The following DNAH14 variants were observed in gnomAD, a reference collection of about 807,000 sequenced individuals.
The protein encoded by DNAH14 is axonemal beta dynein heavy chain 14.
DNAH14 carries 478 observed loss-of-function variants against 520.9 expected under a neutral mutation model. The observed-to-expected ratio is 0.92, with a 90% CI of 0.85 to 0.99. The LOEUF (loss-of-function observed/expected upper bound fraction) is 0.99. Among genes scored for constraint, DNAH14 ranks in the 50% least tolerant of loss-of-function variants. The probability of loss-of-function intolerance (pLI) is 0.00; values close to 1 mark genes in which losing one functional copy is unlikely to be tolerated. For synonymous variants in DNAH14, 1,581 were observed against 1,757.2 expected (o/e 0.90, Z 2.51); for missense variants, 4,831 against 5,234.5 (o/e 0.92, Z 2.38).
chr1:225,080,557 C>T lies in DNAH14; in HGVS notation c.2945C>T (p.Thr982Ile). Residue 982 changes from threonine to isoleucine, a missense_variant, in exon 19 of 86, where the codon ACA becomes ATA. By Grantham distance (89) the Thr-to-Ile change is moderately conservative (BLOSUM62 -1). Coordinates refer to ENST00000682510, the MANE Select transcript of DNAH14 (RefSeq NM_001367479.1). ...HMHSVNVEEI[T>I]QIVLSEISDI... ...CATTCTGTTAATGTGGAAGAAATTA[C>T]ACAGATTGTGCTTTCAGAGATCTCT... 1 of 1,551,870 alleles carries T rather than the reference C, an allele frequency of 6.4e-7. No homozygotes were observed. Among genetic ancestry groups the T allele is most frequent in the African/African-American group, 1.4e-5 (1 of 73,142 alleles).
chr1:225,202,166 T>A (rs10915798), intron 38 of DNAH14, among the ~76,000 whole-genome samples: 1 of 151,970 alleles, frequency 6.6e-6, no homozygotes, highest in African/African-American at 2.4e-5. Context: ...GTGAGCCACC[T>A]CACCTGGCCC....
intron 73 of DNAH14, among the ~76,000 whole-genome samples, chr1:225,356,995 T>C (rs2095436486): frequency 6.6e-6 from 1 of 152,150 alleles, no homozygotes; most frequent in South Asian, 2.1e-4. Context: ...AAGTTAGTTA[T>C]TTAAAACTGA....
chr1:225,198,313 G>A (rs1040797934), intron 38 of DNAH14, among the ~76,000 whole-genome samples: 1 of 151,768 alleles, frequency 6.6e-6, no homozygotes, highest in African/African-American at 2.4e-5. Flanking sequence ...TGCATTCTGG[G>A]TTCACACCAT....
intron 36 of DNAH14, among the ~76,000 whole-genome samples, chr1:225,175,075 G>T (rs2149256064): frequency 6.6e-6 from 1 of 152,202 alleles, no homozygotes; most frequent in Non-Finnish European, 1.5e-5. Context: ...AATTCAGTTT[G>T]CTAGTATTAC....
intron 15 of DNAH14, among the ~76,000 whole-genome samples, chr1:225,046,665 T>C (rs1296931663): frequency 6.6e-6 from 1 of 152,226 alleles, no homozygotes; most frequent in African/African-American, 2.4e-5. Context: ...CTGTAACTTA[T>C]GTACCAGTAT....
At chr1:225,297,378 C>T (rs142919433) in intron 55 of DNAH14, among the ~76,000 whole-genome samples, 1,821 of 152,032 alleles carry the variant, frequency 0.012, 132 homozygotes, top group Admixed American at 0.11. Flanking sequence ...TGTATGATTG[C>T]AACCTGTTAC....
chr1:225,243,693 A>G (rs1296325950), intron 43 of DNAH14, among the ~76,000 whole-genome samples: 1 of 152,168 alleles, frequency 6.6e-6, no homozygotes, highest in Non-Finnish European at 1.5e-5. Flanking sequence ...GTTATTTACA[A>G]AGAGGAGCTG....
At chr1:225,128,189 A>G (rs1317627907) in intron 27 of DNAH14, among the ~76,000 whole-genome samples, 2 of 151,828 alleles carry the variant, frequency 1.3e-5, no homozygotes, top group South Asian at 2.1e-4. Context: ...TGTGTCTTGG[A>G]GTTGCTTTTC....
intron 35 of DNAH14, among the ~76,000 whole-genome samples, chr1:225,162,999 G>A (rs528822804): frequency 1.2e-4 from 18 of 151,966 alleles, no homozygotes; most frequent in African/African-American, 2.7e-4. Context: ...TTAGCGGGGC[G>A]TGGTGGCACA....
rs901097831 is a variant in DNAH14, at chr1:225,335,589, ATGTATATACGCATACGTATATG to A, written c.10081-1662_10081-1641del. Among the ~76,000 whole-genome samples the A allele has an allele frequency of 7.4e-5, 11 of 149,104 alleles. 1 individual carries two copies. The highest frequency in any genetic ancestry group is 5.3e-4 in the Admixed American group (8 of 14,994). On this transcript the variant is annotated intron_variant, in intron 66 of 85. Transcript: ENST00000682510. ...TATGTATATACGCATATGTGCATATATGTATATACGCATACGTATATGTGTATATACGCATATATACATATGT... is the reference window on the plus strand; with the variant it reads ...TATGTATATACGCATATGTGCATATATGTATATACGCATATATACATATGT...
Position 225,207,369 on chromosome 1 carries a change from T to C in DNAH14, c.6439+149T>C, listed in dbSNP as rs557809637. The C allele has an allele frequency of 1.5e-5, 11 of 736,822 alleles. No individual in the cohort carries two copies. In the East Asian group the frequency reaches 3.5e-4, roughly 23 times the overall value. The allele number at this position is 736,822 out of a possible 1,614,324, so 45.6% of individuals were successfully genotyped here. The stretch of plus-strand genomic sequence containing the variant: ...CAGCAGATATGCACATGGAACAAAT[T>C]AAAAACCATTTATAGAGGAACATAT... On this transcript the variant is annotated intron_variant, in intron 41 of 85. Transcript: ENST00000682510.
chr1:225,117,780 T>G lies in DNAH14; in HGVS notation c.3964T>G (p.Ser1322Ala). The change falls in exon 24 of 86, where the codon TCT becomes GCT. Residue 1322 changes from serine (S) to alanine (A), a missense_variant. Ser to Ala is a moderately conservative substitution (Grantham distance 99). Coordinates refer to ENST00000682510, the MANE Select transcript of DNAH14 (RefSeq NM_001367479.1). The stretch of plus-strand genomic sequence containing the variant: ...TCTAGCTGATAGCAGAAATCCTGAG[T>G]CTGTACAGGTAATAACATCTTTCTC... The part of the protein sequence containing the change: ...DILADSRNPE[S>A]VQPHLVKCFE... 3.9e-6 allele frequency: 6 copies of G among 1,548,748 alleles called. No homozygotes were observed. The highest frequency in any genetic ancestry group is 5.2e-6 in the Non-Finnish European group (6 of 1,144,732).
Position 225,380,184 on chromosome 1 carries a change from G to A in DNAH14, c.12742G>A (p.Val4248Met). Residue 4248 changes from valine (V) to methionine (M), a missense_variant, in exon 80 of 86, where the codon GTG (valine) becomes ATG (methionine). Physicochemically the swap from Val to Met is conservative, Grantham distance 21. Transcript: ENST00000682510. Reference sequence around the variant, plus strand: ...ACCTGAGCAGAGTAAGGATGAACTGGTGATGGAAATTCTATCCGACTTGCT... The same window carrying A: ...ACCTGAGCAGAGTAAGGATGAACTGATGATGGAAATTCTATCCGACTTGCT... ...IRPEQSKDEL[V>M]MEILSDLLKR... 2 of 1,551,564 alleles carry A rather than the reference G, an allele frequency of 1.3e-6. No individual in the cohort carries two copies. Among genetic ancestry groups the A allele is most frequent in the Non-Finnish European group, 1.7e-6 (2 of 1,146,950 alleles).
intron 17 of DNAH14, among the ~76,000 whole-genome samples, chr1:225,077,315 GTGTTTA>G (rs2072420289): frequency 6.6e-6 from 1 of 151,882 alleles, no homozygotes; most frequent in African/African-American, 2.4e-5. Flanking sequence ...TAAGATTTTT[GTGTTTA>G]TGTTTATAAG....
At chr1:225,024,335 C>T (rs2148041625) in intron 11 of DNAH14, 1 of 883,660 alleles carries the variant, frequency 1.1e-6, no homozygotes, top group Non-Finnish European at 1.4e-6. Context: ...AATATTTTCC[C>T]AATGAAAAAA....
rs1191426806 is a variant in DNAH14 at position 225,307,474 on chromosome 1, A to G, written c.9019A>G (p.Met3007Val). The G allele has an allele frequency of 6.5e-7, 1 of 1,542,702 alleles. No homozygotes were observed. Among genetic ancestry groups the G allele is most frequent in the Non-Finnish European group, 8.7e-7 (1 of 1,144,166 alleles). Residue 3007 changes from methionine to valine, a missense_variant, in exon 59 of 86, where the codon ATG (methionine) becomes GTG (valine). Coordinates refer to ENST00000682510, the MANE Select transcript of DNAH14 (RefSeq NM_001367479.1). ...EMQTKRDRFH[M>V]GLSTILEATT... The stretch of plus-strand genomic sequence containing the variant: ...TTCTTCCTTCAGGGATCGCTTCCAT[A>G]TGGGTCTATCCACAATCCTGGAAGC...
intron 15 of DNAH14, among the ~76,000 whole-genome samples, chr1:225,046,709 A>G (rs762784033): frequency 1.3e-5 from 2 of 152,124 alleles, no homozygotes; most frequent in South Asian, 2.1e-4. Flanking sequence ...GCTTTGTACT[A>G]TTTTTAGCAT....
chr1:225,392,517 T>C (rs936090543), intron 84 of DNAH14, 66 bp downstream of exon 84: 6 of 1,528,766 alleles, frequency 3.9e-6, no homozygotes, highest in African/African-American at 1.4e-5. Context: ...ATTCAATCAA[T>C]TGTGCCCTTT....
Position 225,051,724 on chromosome 1 carries a change from GACA to G in DNAH14, c.2356_2358del (p.Asn786del). The G allele has an allele frequency of 6.4e-7, 1 of 1,550,604 alleles. No individual in the cohort carries two copies. The highest frequency in any genetic ancestry group is 8.7e-7 in the Non-Finnish European group (1 of 1,146,616). ...TCAATCAGAATGCTTACTGTATATT[GACA>G]ACGTCATACATATGAGCCACACCCT... On this transcript the variant is annotated inframe_deletion, in exon 17 of 86. Transcript: ENST00000682510.
Sources: gnomAD v4.1 joint callset for allele counts (sites outside exome capture counted in the v4.1 genomes callset) on GRCh38, gnomAD v4.1.1 for gene constraint, MANE v1.5 for transcripts, NCBI Gene and HGNC (gene_info 2026-07-23, HGNC 2026-07-21) for gene names.